Variants in DNASE1 observed in about 807,000 individuals in gnomAD.
DNASE1 encodes the protein deoxyribonuclease 1.
Under a neutral mutation model 33.9 loss-of-function variants are expected in DNASE1, and 40 were observed. The observed-to-expected ratio is 1.18, with a 90% confidence interval of 0.92 to 1.54. DNASE1 has a LOEUF of 1.54. DNASE1 is among the 40% of genes most tolerant of loss of function. The probability of loss-of-function intolerance (pLI) is 0.00; values close to 1 mark genes in which losing one functional copy is unlikely to be tolerated. For synonymous variants in DNASE1, 216 were observed against 160.0 expected, an observed-to-expected ratio of 1.35 and a Z score of -2.64; for missense variants, 518 against 372.6, an observed-to-expected ratio of 1.39 and a Z score of -3.21.
chr16:3,617,000 T>C (rs895505398), intron 1 of DNASE1, among the ~76,000 whole-genome samples: 1 of 152,130 alleles, frequency 6.6e-6, no homozygotes, highest in Admixed American at 6.5e-5. Context: ...TAACTCAGAA[T>C]GGATCAAAGA....
At chr16:3,628,652 G>A (rs2041598346) in intron 1 of DNASE1, among the ~76,000 whole-genome samples, 1 of 151,022 alleles carries the variant, frequency 6.6e-6, no homozygotes, top group Admixed American at 6.6e-5. Context: ...TCCGCCTCCC[G>A]GGTTCACGCC....
At chr16:3,619,555 G>T (rs1049417299) in intron 1 of DNASE1, among the ~76,000 whole-genome samples, 1 of 148,248 alleles carries the variant, frequency 6.7e-6, no homozygotes, top group Non-Finnish European at 1.5e-5. Flanking sequence ...TAGAGACAGG[G>T]TTTCACCGTG....
At chr16:3,647,297 G>T (rs1034601520) in intron 1 of DNASE1, among the ~76,000 whole-genome samples, 1 of 147,716 alleles carries the variant, frequency 6.8e-6, no homozygotes, top group Admixed American at 6.7e-5. Flanking sequence ...TTGAGACAAG[G>T]TCTAGTAGCT....
At position 3,656,692 on chromosome 16, in the gene DNASE1, C is replaced by T. The variant is rs2042663795; in HGVS notation, c.375C>T (p.Pro125=). 72 of 1,613,314 alleles carry T rather than the reference C, an allele frequency of 4.5e-5. No individual in the cohort carries two copies. Among genetic ancestry groups the T allele is most frequent in the Non-Finnish European group, 6.0e-5 (71 of 1,179,760 alleles). The stretch of plus-strand genomic sequence containing the variant: ...ACTACTACGATGATGGCTGCGAGCC[C>T]TGCGGGAACGACACCTTCAACCGAG... The part of the protein sequence containing the change: ...DSYYYDDGCE[P]CGNDTFNREP... Residue 125 remains proline, a synonymous_variant, in exon 5 of 9, where the codon CCC becomes CCT. Transcript: ENST00000246949.
At chr16:3,662,437 C>G (rs1482791817), downstream of DNASE1, 1 of 549,846 alleles carries the variant, frequency 1.8e-6, no homozygotes, top group Non-Finnish European at 3.3e-6. Context: ...GCCCCTTCCT[C>G]CAAGTGACCA....
chr16:3,636,474 G>A (rs924440757), intron 1 of DNASE1, among the ~76,000 whole-genome samples: 1 of 152,106 alleles, frequency 6.6e-6, no homozygotes, highest in African/African-American at 2.4e-5. Flanking sequence ...CTTTTTAATC[G>A]TAGTATGCCT....
At chr16:3,612,737 C>T (rs1446638875) in intron 1 of DNASE1, among the ~76,000 whole-genome samples, 5 of 152,014 alleles carry the variant, frequency 3.3e-5, no homozygotes, top group Non-Finnish European at 7.4e-5. Context: ...GGCCTAATTA[C>T]AGTGAGAACA....
exon 10 of DNASE1, chr16:3,663,617 G>T: frequency 6.2e-7 from 1 of 1,607,236 alleles, no homozygotes; most frequent in East Asian, 2.2e-5. Flanking sequence ...AGCCACCACA[G>T]AAGAAAGGAT....
At chr16:3,656,961 C>T in intron 5 of DNASE1, 38 bp from the exon 6 acceptor site, 2 of 1,605,890 alleles carry the variant, frequency 1.2e-6, no homozygotes, top group Non-Finnish European at 1.7e-6. Flanking sequence ...AACCTGCCCC[C>T]AGGGAGTGTG....
upstream of DNASE1, chr16:3,640,983 G>A (rs1027448023): frequency 5.0e-6 from 2 of 398,648 alleles, no homozygotes; most frequent in Admixed American, 4.4e-5. Flanking sequence ...GTGGGGAGCA[G>A]GCCCAACAGG....
chr16:3,663,338 A>T, exon 10 of DNASE1: 3 of 1,558,822 alleles, frequency 1.9e-6, no homozygotes, highest in Non-Finnish European at 2.6e-6. Context: ...ACTGACGAAA[A>T]CCCAAAGGAA....
At chr16:3,638,531 T>G (rs548542966), upstream of DNASE1, among the ~76,000 whole-genome samples, 1 of 152,244 alleles carries the variant, frequency 6.6e-6, no homozygotes, top group Non-Finnish European at 1.5e-5. Flanking sequence ...GTAGAGACGG[T>G]GTTTCACCGT....
upstream of DNASE1, among the ~76,000 whole-genome samples, chr16:3,642,534 T>C (rs957739599): frequency 1.8e-4 from 28 of 151,822 alleles, no homozygotes; most frequent in South Asian, 2.1e-4. Context: ...TCATCCAGCA[T>C]GTTCTCCGTG....
rs533098714 is a variant in DNASE1, at chr16:3,632,885, C to G, written c.-1358-7830C>G. The stretch of plus-strand genomic sequence containing the variant: ...ACAGGAGTGAGCAACTGTGCCCAGC[C>G]TCATCTCTTTAATTGTAATCTACCT... On this transcript the variant is annotated intron_variant and NMD_transcript_variant, in intron 1 of 11. Coordinates refer to the DNASE1 transcript ENST00000570769. 7.2e-5 allele frequency among the ~76,000 whole-genome samples: 11 copies of G among 152,268 alleles called. No individual in the cohort carries two copies. The South Asian group carries it at 2.1e-3, about 29-fold the overall frequency.
chr16:3,663,318 G>A, exon 10 of DNASE1: 1 of 1,478,604 alleles, frequency 6.8e-7, no homozygotes, highest in Non-Finnish European at 9.1e-7. Flanking sequence ...GGGTGGCTGA[G>A]CCCAGGTCAA....
chr16:3,664,294 T>C (rs554477905), exon 10 of DNASE1: 18 of 1,598,862 alleles, frequency 1.1e-5, no homozygotes, highest in African/African-American at 8.1e-5. Context: ...TTCTTCTTCA[T>C]GGCCTCATAG....
chr16:3,657,150 C>T (rs775126039), intron 6 of DNASE1, 37 bp from the exon 7 acceptor site: 75 of 1,613,982 alleles, frequency 4.6e-5, no homozygotes, highest in Non-Finnish European at 5.3e-5. Context: ...CAGCGGCCTC[C>T]GCATGTCCCA....
intron 1 of DNASE1, among the ~76,000 whole-genome samples, chr16:3,612,938 C>T (rs961031181): frequency 2.0e-5 from 3 of 152,080 alleles, no homozygotes; most frequent in African/African-American, 7.2e-5. Flanking sequence ...AAATAATGAA[C>T]ACAGGAGAGG....
At chr16:3,615,924 C>G (rs1213751159) in intron 1 of DNASE1, among the ~76,000 whole-genome samples, 1 of 152,202 alleles carries the variant, frequency 6.6e-6, no homozygotes, top group African/African-American at 2.4e-5. Context: ...AAGCCATAAC[C>G]TGTCCACCTC....
Sources: gnomAD v4.1 joint callset for allele counts (sites outside exome capture counted in the v4.1 genomes callset) on GRCh38, gnomAD v4.1.1 for gene constraint, MANE v1.5 for transcripts, NCBI Gene and HGNC (gene_info 2026-07-23, HGNC 2026-07-21) for gene names.